The following RELN variants were observed in gnomAD, a reference collection of about 807,000 sequenced individuals.
RELN encodes reelin.
A neutral mutation model predicts 427.6 loss-of-function variants in RELN; 108 were observed. The ratio of observed to expected loss-of-function variants is 0.25; its 90% CI spans 0.22 to 0.30. The LOEUF (loss-of-function observed/expected upper bound fraction) is 0.30. Ranked by LOEUF, RELN falls within the 10% of genes least tolerant of loss-of-function variation. The pLI is 1.00. For missense variants in RELN, 3,715 were observed against 4,302.8 expected (o/e 0.86, Z 3.82); for synonymous variants, 1,524 against 1,513.4 (o/e 1.01, Z -0.16).
At chr7:103,777,152 A>C (rs192148857) in intron 3 of RELN, among the ~76,000 whole-genome samples, 3 of 152,352 alleles carry the variant, frequency 2.0e-5, no homozygotes, top group Admixed American at 1.3e-4. Context: ...AATCACATGA[A>C]GGAGATTCAC....
chr7:103,557,556 A>G (rs1043731283), intron 37 of RELN, among the ~76,000 whole-genome samples: 21 of 152,184 alleles, frequency 1.4e-4, no homozygotes, highest in African/African-American at 4.3e-4. Flanking sequence ...TGTTCAGGAA[A>G]ATTATTTAGT....
chr7:103,688,330 A>C (rs1054059887), intron 10 of RELN, among the ~76,000 whole-genome samples: 1 of 152,142 alleles, frequency 6.6e-6, no homozygotes, highest in Admixed American at 6.6e-5. Context: ...GTGATAATGC[A>C]AAGCACATTT....
At chr7:103,777,117 A>G (rs1791763801) in intron 3 of RELN, among the ~76,000 whole-genome samples, 1 of 152,216 alleles carries the variant, frequency 6.6e-6, no homozygotes, top group Non-Finnish European at 1.5e-5. Context: ...AAGCTTTCAT[A>G]ATAAAATCTG....
intron 1 of RELN, among the ~76,000 whole-genome samples, chr7:103,936,767 CA>C: frequency 7.4e-6 from 1 of 135,566 alleles, no homozygotes; most frequent in Non-Finnish European, 1.7e-5. Flanking sequence ...CACACACACA[CA>C]CACACACTTT....
chr7:103,834,479 C>T (rs143971362), intron 2 of RELN, among the ~76,000 whole-genome samples: 3 of 152,290 alleles, frequency 2.0e-5, no homozygotes, highest in Middle Eastern at 3.4e-3. Context: ...ATGAGAACAT[C>T]ATGGCCTAGC....
intron 17 of RELN, among the ~76,000 whole-genome samples, chr7:103,639,466 C>G (rs1832653087): frequency 1.3e-5 from 2 of 148,548 alleles, no homozygotes; most frequent in South Asian, 2.1e-4. Context: ...GTGACACGAT[C>G]TTGGCTCACT....
chr7:103,526,680 A>G (rs1203031247), intron 46 of RELN, among the ~76,000 whole-genome samples: 1 of 152,206 alleles, frequency 6.6e-6, no homozygotes, highest in East Asian at 1.9e-4. Flanking sequence ...GCCCTGTCAG[A>G]GCTCCACTGT....
chr7:103,523,075 T>G (rs1414787013), intron 47 of RELN, among the ~76,000 whole-genome samples: 1 of 152,226 alleles, frequency 6.6e-6, no homozygotes, highest in Non-Finnish European at 1.5e-5. Context: ...TGGTCAGAAC[T>G]TACTGAACTC....
intron 2 of RELN, among the ~76,000 whole-genome samples, chr7:103,881,227 T>C (rs888858874): frequency 1.3e-5 from 2 of 152,186 alleles, no homozygotes; most frequent in African/African-American, 4.8e-5. Flanking sequence ...TTCTCATTGC[T>C]AAATGTAATG....
At chr7:103,925,844 G>A (rs2116694509) in intron 1 of RELN, among the ~76,000 whole-genome samples, 3 of 152,204 alleles carry the variant, frequency 2.0e-5, no homozygotes, top group Admixed American at 2.0e-4. Context: ...ATACACAGGT[G>A]AATACATTAC....
At chr7:103,909,510 G>A (rs1258137180) in intron 2 of RELN, among the ~76,000 whole-genome samples, 3 of 148,060 alleles carry the variant, frequency 2.0e-5, no homozygotes, top group African/African-American at 5.0e-5. Context: ...GGGAGGCTGA[G>A]GCAGGAGAAT....
intron 4 of RELN, among the ~76,000 whole-genome samples, chr7:103,760,631 TAAAA>T (rs1163676728): frequency 6.8e-6 from 1 of 146,680 alleles, no homozygotes; most frequent in African/African-American, 2.5e-5. Flanking sequence ...ATTGATTACT[TAAAA>T]AAAAAAGCCT....
chr7:103,483,672 C>A lies in RELN; in HGVS notation c.10162G>T (p.Val3388Leu). 6.2e-7 allele frequency: 1 copy of A among 1,614,180 alleles called. No individual in the cohort carries two copies. Among genetic ancestry groups the A allele is most frequent in the Non-Finnish European group, 8.5e-7 (1 of 1,180,022 alleles). The change falls in exon 62 of 65, where the codon GTG becomes TTG. Residue 3388 changes from valine (V) to leucine (L), a missense_variant. By Grantham distance (32) the Val-to-Leu change is conservative. Around this residue, in one of 4 missense-constraint regions of RELN, gnomAD observed 195 missense variants for 281.3 expected, o/e 0.69. Coordinates refer to ENST00000428762, the MANE Select transcript of RELN (RefSeq NM_005045.4). ...QPKDFTQAQRVSYNVPLEARM... is the reference protein window; with the variant it reads ...QPKDFTQAQRLSYNVPLEARM... ...ACTTACAGGGGGACATTGTAAGACA[C>A]TCTCTGAGCTTGTGTGAAGTCCTTT...
chr7:103,770,913 C>CTTTT (rs751942279), intron 4 of RELN, among the ~76,000 whole-genome samples: 2 of 119,130 alleles, frequency 1.7e-5, no homozygotes, highest in African/African-American at 3.3e-5. Context: ...CAATCGCTTA[C>CTTTT]TTTTTTTTTT....
At chr7:103,659,568 A>G (rs1833093983) in intron 12 of RELN, among the ~76,000 whole-genome samples, 1 of 152,062 alleles carries the variant, frequency 6.6e-6, no homozygotes, top group South Asian at 2.1e-4. Context: ...AATCATGCCC[A>G]TCCTTCAAGG....
intron 10 of RELN, among the ~76,000 whole-genome samples, chr7:103,693,513 T>C (rs892439598): frequency 7.3e-6 from 1 of 136,510 alleles, no homozygotes; most frequent in Non-Finnish European, 1.6e-5. Flanking sequence ...TAAGTATATA[T>C]AAAAAAAGAA....
chr7:103,687,925 CATTA>C lies in RELN; in HGVS notation c.1144-5668_1144-5665del, dbSNP rs1388289384. ...TCCATGTTTCACTAATGTTATTCCA[CATTA>C]ATTACTGTACAAATAGGCCTCATTG... On this transcript the variant is annotated intron_variant, in intron 10 of 64. Transcript: ENST00000428762. Among the ~76,000 whole-genome samples the C allele has an allele frequency of 2.0e-5, 3 of 152,128 alleles. No homozygotes were observed. In the East Asian group the frequency reaches 5.8e-4, roughly 29 times the overall value.
intron 4 of RELN, 128 bp downstream of exon 4, chr7:103,776,429 G>C: frequency 2.2e-6 from 2 of 910,008 alleles, no homozygotes; most frequent in Non-Finnish European, 3.7e-6. Flanking sequence ...TGATACGAAG[G>C]GTCAATACTT....
chr7:103,869,118 T>C lies in RELN; in HGVS notation c.338-35446A>G, dbSNP rs544723060. The stretch of plus-strand genomic sequence containing the variant: ...ATAAAGGGTTGGGGGCAAGTGGTAA[T>C]CTTACAAATTTTGTGAAGTGTAGGA... On this transcript the variant is annotated intron_variant, in intron 2 of 64. Transcript: ENST00000428762. Among the ~76,000 whole-genome samples, 9 of 152,198 alleles carry C rather than the reference T, an allele frequency of 5.9e-5. No individual in the cohort carries two copies. In the South Asian group the frequency reaches 1.0e-3, roughly 18 times the overall value.
Sources: gnomAD v4.1 joint callset for allele counts (sites outside exome capture counted in the v4.1 genomes callset) on GRCh38, gnomAD v4.1.1 for gene constraint, gnomAD v4.1.1 regional missense constraint, MANE v1.5 for transcripts, NCBI Gene and HGNC (gene_info 2026-07-23, HGNC 2026-07-21) for gene names.